GPR158: variants seen among roughly 807,000 people sequenced by gnomAD.
GPR158 encodes metabotropic glycine receptor.
Under a neutral mutation model 78.2 loss-of-function variants are expected in GPR158, and 30 were observed. That is an observed-to-expected ratio of 0.38 (90% CI 0.29 to 0.52). The LOEUF (loss-of-function observed/expected upper bound fraction) is 0.52. Among genes scored for constraint, GPR158 ranks in the 20% least tolerant of loss-of-function variants. GPR158 has a pLI of 0.83. For synonymous variants in GPR158, 581 were observed against 591.1 expected (o/e 0.98, Z 0.25); for missense variants, 1,463 against 1,523.5 (o/e 0.96, Z 0.66).
chr10:25,365,178 T>A (rs1307795880), intron 2 of GPR158, among the ~76,000 whole-genome samples: 1 of 151,774 alleles, frequency 6.6e-6, no homozygotes, highest in Non-Finnish European at 1.5e-5. Context: ...TTGTTAAAAA[T>A]TTTTCATGTT....
chr10:25,181,252 T>C (rs1454200447), intron 1 of GPR158, among the ~76,000 whole-genome samples: 1 of 152,226 alleles, frequency 6.6e-6, no homozygotes, highest in Non-Finnish European at 1.5e-5. Flanking sequence ...CTTTTAAGTC[T>C]CAGTTACATC....
chr10:25,512,704 G>A (rs769944302), intron 5 of GPR158, among the ~76,000 whole-genome samples: 2 of 147,664 alleles, frequency 1.4e-5, no homozygotes, highest in Non-Finnish European at 2.9e-5. Flanking sequence ...AGGTATGTCC[G>A]TCCTGTACTG....
At position 25,175,714 on chromosome 10, in the gene GPR158, C is replaced by G. The variant is rs753693801; in HGVS notation, c.294C>G (p.Asn98Lys). 4 of 1,611,652 alleles carry G rather than the reference C, an allele frequency of 2.5e-6. No homozygotes were observed. Among genetic ancestry groups the G allele is most frequent in the Non-Finnish European group, 3.4e-6 (4 of 1,179,922 alleles). ...TGDSHQLKRANCSGRYELAGL... is the reference protein window; with the variant it reads ...TGDSHQLKRAKCSGRYELAGL... The stretch of plus-strand genomic sequence containing the variant: ...ACTCCCACCAGCTGAAGCGAGCCAA[C>G]TGCTCCGGCCGCTACGAGTTGGCGG... Residue 98 changes from asparagine to lysine, a missense_variant, in exon 1 of 11, where the codon AAC (asparagine) becomes AAG (lysine). By Grantham distance (94) the Asn-to-Lys change is moderately conservative. Coordinates refer to ENST00000376351, the MANE Select transcript of GPR158 (RefSeq NM_020752.3). The surrounding 1 kb of genome is among the most constrained non-coding windows in gnomAD (Gnocchi z 6.4).
At chr10:25,361,830 T>C (rs1042182599) in intron 2 of GPR158, among the ~76,000 whole-genome samples, 23 of 152,118 alleles carry the variant, frequency 1.5e-4, no homozygotes, top group African/African-American at 5.3e-4. Context: ...TCTTTATATA[T>C]TGTATAATTG....
chr10:25,541,146 C>T (rs976638114), intron 5 of GPR158, among the ~76,000 whole-genome samples: 4 of 151,662 alleles, frequency 2.6e-5, no homozygotes, highest in Non-Finnish European at 5.9e-5. Context: ...GATTGCCAGA[C>T]TTAATTTTAC....
chr10:25,511,793 CT>C (rs1836089310), intron 5 of GPR158, among the ~76,000 whole-genome samples: 1 of 152,090 alleles, frequency 6.6e-6, no homozygotes, highest in Non-Finnish European at 1.5e-5. Flanking sequence ...AAAGGGTGTC[CT>C]TTCCCCACTT....
intron 2 of GPR158, among the ~76,000 whole-genome samples, chr10:25,331,869 A>C (rs1855128965): frequency 6.6e-6 from 1 of 152,240 alleles, no homozygotes; most frequent in African/African-American, 2.4e-5. Flanking sequence ...GGCAGTGTAG[A>C]TAAAGTAAGA....
At chr10:25,235,050 C>T (rs779213300) in intron 2 of GPR158, among the ~76,000 whole-genome samples, 2 of 152,064 alleles carry the variant, frequency 1.3e-5, no homozygotes, top group Non-Finnish European at 2.9e-5. Context: ...TAATTTATTG[C>T]CCCCTGTGTA....
intron 2 of GPR158, among the ~76,000 whole-genome samples, chr10:25,387,185 G>A (rs80327136): frequency 0.027 from 4,044 of 152,184 alleles, 163 homozygotes; most frequent in African/African-American, 0.084. Flanking sequence ...TATCATAAAA[G>A]GGTGTTGCAT....
chr10:25,575,475 A>C (rs1454851492), intron 7 of GPR158, among the ~76,000 whole-genome samples: 1 of 152,126 alleles, frequency 6.6e-6, no homozygotes, highest in African/African-American at 2.4e-5. Flanking sequence ...GACTTGTTAG[A>C]AATGCAGATT....
At position 25,515,017 on chromosome 10, in the gene GPR158, T is replaced by C. The variant is rs189207850; in HGVS notation, c.1405-35959T>C. Among the ~76,000 whole-genome samples, 375 of 152,262 alleles carry C rather than the reference T, an allele frequency of 2.5e-3. 4 individuals carry two copies. Among genetic ancestry groups the C allele is most frequent in the African/African-American group, 8.7e-3 (360 of 41,570 alleles). Reference sequence around the variant, plus strand: ...TAGGTGATGATCTTTTTGTGATAAATTTCCCAGGTGTTCTTTGAGCTTCTT... The same window carrying C: ...TAGGTGATGATCTTTTTGTGATAAACTTCCCAGGTGTTCTTTGAGCTTCTT... On this transcript the variant is annotated intron_variant, in intron 5 of 10. Transcript: ENST00000376351.
chr10:25,361,817 A>G (rs577169440), intron 2 of GPR158, among the ~76,000 whole-genome samples: 6 of 151,788 alleles, frequency 4.0e-5, no homozygotes, highest in Non-Finnish European at 8.8e-5. Context: ...GAGTTATAGG[A>G]CTTCTTTATA....
At chr10:25,549,343 CTT>C (rs776125026) in intron 5 of GPR158, among the ~76,000 whole-genome samples, 2 of 152,206 alleles carry the variant, frequency 1.3e-5, no homozygotes, top group East Asian at 1.9e-4. Context: ...TTGCAGAACT[CTT>C]TATTCCTATT....
chr10:25,240,415 A>G (rs1260412661), intron 2 of GPR158, among the ~76,000 whole-genome samples: 1 of 152,224 alleles, frequency 6.6e-6, no homozygotes, highest in Non-Finnish European at 1.5e-5. Context: ...AGGCTGAGGC[A>G]GGAGAATCGC....
chr10:25,362,834 C>T (rs1233464054), intron 2 of GPR158, among the ~76,000 whole-genome samples: 2 of 151,758 alleles, frequency 1.3e-5, no homozygotes, highest in Non-Finnish European at 2.9e-5. Context: ...AACAGATCGA[C>T]CTCATCCTTG....
At chr10:25,283,381 CTT>C (rs759171572) in intron 2 of GPR158, among the ~76,000 whole-genome samples, 32 of 151,920 alleles carry the variant, frequency 2.1e-4, no homozygotes, top group Non-Finnish European at 1.0e-4. Context: ...TGTCTTCTCT[CTT>C]TTAGTCACAC....
At chr10:25,422,406 G>T (rs1588855627) in intron 4 of GPR158, among the ~76,000 whole-genome samples, 1 of 152,016 alleles carries the variant, frequency 6.6e-6, no homozygotes, top group African/African-American at 2.4e-5. Flanking sequence ...CTCCTTATGA[G>T]AATCTAATGC....
chr10:25,188,130 C>G (rs1046391161), intron 1 of GPR158, among the ~76,000 whole-genome samples: 2 of 152,196 alleles, frequency 1.3e-5, no homozygotes, highest in Admixed American at 6.5e-5. Context: ...AATGAAATAA[C>G]AGAGGACACA....
chr10:25,483,447 C>T (rs1835686525), intron 5 of GPR158, among the ~76,000 whole-genome samples: 1 of 152,126 alleles, frequency 6.6e-6, no homozygotes, highest in Non-Finnish European at 1.5e-5. Flanking sequence ...CTTTAAATTG[C>T]AGCCTGCCCC....
Sources: gnomAD v4.1 joint callset for allele counts (sites outside exome capture counted in the v4.1 genomes callset) on GRCh38, gnomAD v4.1.1 for gene constraint, Gnocchi (gnomAD v3.1) non-coding constraint, MANE v1.5 for transcripts, NCBI Gene and HGNC (gene_info 2026-07-23, HGNC 2026-07-21) for gene names.